The following SHROOM3 variants were observed in gnomAD, a reference collection of about 807,000 sequenced individuals.
SHROOM3 encodes protein Shroom3.
A neutral mutation model predicts 138.6 loss-of-function variants in SHROOM3; 47 were observed. That is an observed-to-expected ratio of 0.34 (90% CI 0.27 to 0.43). The LOEUF is 0.43. SHROOM3 is among the 20% of genes least tolerant of loss of function. The probability of loss-of-function intolerance (pLI) is 1.00; values close to 1 mark genes in which losing one functional copy is unlikely to be tolerated. For missense variants in SHROOM3, 2,491 were observed against 2,596.5 expected (o/e 0.96, Z 0.88); for synonymous variants, 1,062 against 1,063.3 (o/e 1.00, Z 0.02).
At chr4:76,716,466 C>A in intron 3 of SHROOM3, 1 of 517,124 alleles carries the variant, frequency 1.9e-6, no homozygotes, top group Non-Finnish European at 3.9e-6. Context: ...CAGGATCCTC[C>A]AATGACAAGC....
chr4:76,557,467 G>A (rs1413142045), intron 2 of SHROOM3, among the ~76,000 whole-genome samples: 1 of 152,114 alleles, frequency 6.6e-6, no homozygotes, highest in African/African-American at 2.4e-5. Flanking sequence ...TGGGGCACAG[G>A]GGAAATGGGG....
At chr4:76,611,177 T>C (rs891949068) in intron 2 of SHROOM3, among the ~76,000 whole-genome samples, 2 of 152,174 alleles carry the variant, frequency 1.3e-5, no homozygotes, top group Admixed American at 6.5e-5. Flanking sequence ...TTAAGTGAGT[T>C]GAAGATGATT....
At chr4:76,584,616 C>T (rs556829502) in intron 2 of SHROOM3, among the ~76,000 whole-genome samples, 10 of 152,184 alleles carry the variant, frequency 6.6e-5, no homozygotes, top group Admixed American at 1.3e-4. Context: ...GATAAACAAA[C>T]GTCAAACATG....
At chr4:76,586,584 A>G (rs1029650071) in intron 2 of SHROOM3, 12 of 647,836 alleles carry the variant, frequency 1.9e-5, no homozygotes, top group Non-Finnish European at 2.3e-5. Flanking sequence ...TGTTCAAGTT[A>G]GGCCTTTGTG....
chr4:76,653,336 T>C (rs771421334), intron 2 of SHROOM3, among the ~76,000 whole-genome samples: 10 of 152,048 alleles, frequency 6.6e-5, no homozygotes, highest in Middle Eastern at 3.4e-3. Flanking sequence ...TGAAGGATGC[T>C]TAGTAGCATC....
intron 1 of SHROOM3, among the ~76,000 whole-genome samples, chr4:76,520,691 A>G (rs1262309003): frequency 6.6e-6 from 1 of 152,246 alleles, no homozygotes; most frequent in Non-Finnish European, 1.5e-5. Context: ...AATAATGTCC[A>G]GAAGTGGATA....
chr4:76,754,865 A>C lies in SHROOM3; in HGVS notation c.4382A>C (p.Gln1461Pro). 6.2e-7 allele frequency: 1 copy of C among 1,614,168 alleles called. No individual in the cohort carries two copies. Among genetic ancestry groups the C allele is most frequent in the African/African-American group, 1.3e-5 (1 of 75,024 alleles). ...FANLKHYQKQ[Q>P]SLPSLCSTSD... Reference sequence around the variant, plus strand: ...AACCTGAAGCACTATCAAAAACAGCAGAGTCTTCCAAGTTTATGCAGCACT... The same window carrying C: ...AACCTGAAGCACTATCAAAAACAGCCGAGTCTTCCAAGTTTATGCAGCACT... Residue 1461 changes from glutamine to proline, a missense_variant, in exon 7 of 11, where the codon CAG becomes CCG. Gln to Pro is a moderately conservative substitution (Grantham distance 76). Around this residue, in one of 4 missense-constraint regions of SHROOM3, gnomAD observed 1,733 missense variants for 1,661.6 expected, o/e 1.04. Transcript: ENST00000296043.
At position 76,675,053 on chromosome 4, in the gene SHROOM3, TAGAC is replaced by T. The variant is rs1456669699; in HGVS notation, c.324-35100_324-35097del. ...AAACGAGGGATATAAATAATGGGCT[TAGAC>T]AGTTTCCTCTGGGTATGCTTTTAGG... is the stretch of plus-strand genomic sequence containing the variant. On this transcript the variant is annotated intron_variant, in intron 2 of 10. Transcript: ENST00000296043. 7.2e-5 allele frequency among the ~76,000 whole-genome samples: 11 copies of T among 152,308 alleles called. No individual in the cohort carries two copies. In the South Asian group the frequency reaches 1.0e-3, roughly 14 times the overall value.
At position 76,741,025 on chromosome 4, in the gene SHROOM3, C is replaced by A; in HGVS notation, c.2852C>A (p.Pro951His). The change falls in exon 5 of 11, where the codon CCC becomes CAC. Residue 951 changes from proline (P) to histidine (H), a missense_variant. Pro to His is a moderately conservative substitution (Grantham distance 77). Coordinates refer to ENST00000296043, the MANE Select transcript of SHROOM3 (RefSeq NM_020859.4). This position sits in a 1 kb window ranked among gnomAD's most constrained non-coding sequence, Gnocchi z 6.2. The stretch of plus-strand genomic sequence containing the variant: ...CGTCGAGACCTGGAGCTGGGGGCGC[C>A]CGTGGCGTCGAGGTCCTGGCGGCCA... Reference protein sequence around the residue: ...FRRRDLELGAPVASRSWRPRP... With the variant: ...FRRRDLELGAHVASRSWRPRP... The A allele has an allele frequency of 1.3e-6, 2 of 1,485,142 alleles. No individual in the cohort carries two copies. The highest frequency in any genetic ancestry group is 8.9e-7 in the Non-Finnish European group (1 of 1,121,758). The allele number at this position is 1,485,142 out of a possible 1,614,324, so 92.0% of individuals were successfully genotyped here. A position where few individuals can be genotyped will look rare whatever the true frequency, so the allele number is the denominator to read the frequency against.
intron 1 of SHROOM3, among the ~76,000 whole-genome samples, chr4:76,483,061 A>C (rs187102455): frequency 6.4e-4 from 97 of 152,326 alleles, no homozygotes; most frequent in African/African-American, 2.2e-3. Flanking sequence ...AAGAAAACCT[A>C]GGCAATACCA....
Position 76,740,490 on chromosome 4 carries a change from C to A in SHROOM3, c.2317C>A (p.Gln773Lys), listed in dbSNP as rs750717295. 6.2e-7 allele frequency: 1 copy of A among 1,612,848 alleles called. No individual in the cohort carries two copies. Among genetic ancestry groups the A allele is most frequent in the Non-Finnish European group, 8.5e-7 (1 of 1,179,334 alleles). ...CAGCGCCTCGGCTCTTCAGGGCTTT[C>A]AGTACGGGAAGCCCCACTGCTCGGT... ...PGSASALQGF[Q>K]YGKPHCSVLE... The change falls in exon 5 of 11, where the codon CAG becomes AAG. Residue 773 changes from glutamine (Q) to lysine (K), a missense_variant. Gln to Lys is a moderately conservative substitution (Grantham distance 53). Transcript: ENST00000296043. The surrounding 1 kb of genome is among the most constrained non-coding windows in gnomAD (Gnocchi z 4.0).
intron 1 of SHROOM3, among the ~76,000 whole-genome samples, chr4:76,529,308 T>C (rs980327468): frequency 3.3e-5 from 5 of 151,926 alleles, no homozygotes; most frequent in African/African-American, 1.2e-4. Context: ...TGAGAATATC[T>C]TTTTGTAGGA....
chr4:76,564,988 C>G (rs113049596), intron 2 of SHROOM3, among the ~76,000 whole-genome samples: 2,374 of 151,804 alleles, frequency 0.016, 64 homozygotes, highest in African/African-American at 0.054. Flanking sequence ...AGTGAAACCC[C>G]ATCTCTACTA....
intron 2 of SHROOM3, among the ~76,000 whole-genome samples, chr4:76,589,258 G>A (rs13133666): frequency 0.39 from 59,235 of 152,010 alleles, 11,969 homozygotes; most frequent in East Asian, 0.54. Context: ...ACCTGAGGTC[G>A]GGAGTTTGAG....
At chr4:76,747,421 T>C (rs1403980096) in intron 5 of SHROOM3, among the ~76,000 whole-genome samples, 1 of 152,226 alleles carries the variant, frequency 6.6e-6, no homozygotes, top group East Asian at 1.9e-4. Context: ...GTATTTTGAT[T>C]GATAGAAGAT....
intron 1 of SHROOM3, among the ~76,000 whole-genome samples, chr4:76,497,853 G>A (rs754958583): frequency 2.6e-5 from 4 of 152,028 alleles, no homozygotes; most frequent in Admixed American, 6.6e-5. Flanking sequence ...GCAAGACTCC[G>A]TCTCAAAAAT....
At chr4:76,531,849 T>C (rs1732834187) in intron 1 of SHROOM3, among the ~76,000 whole-genome samples, 1 of 151,524 alleles carries the variant, frequency 6.6e-6, no homozygotes, top group Non-Finnish European at 1.5e-5. Flanking sequence ...CAGGCCATCC[T>C]AGATTTAATA....
At chr4:76,510,782 G>A (rs1732318669) in intron 1 of SHROOM3, among the ~76,000 whole-genome samples, 1 of 152,114 alleles carries the variant, frequency 6.6e-6, no homozygotes, top group Non-Finnish European at 1.5e-5. Flanking sequence ...GTGGCACAGG[G>A]GAAAGAACAA....
chr4:76,739,436 C>T lies in SHROOM3; in HGVS notation c.1263C>T (p.Gly421=), dbSNP rs141874410. The change falls in exon 5 of 11, where the codon GGC becomes GGT. Residue 421 remains glycine (G), a synonymous_variant. Transcript: ENST00000296043. ...RLCRPQANSL[G]SLKSPFIEEQ... The stretch of plus-strand genomic sequence containing the variant: ...GCCGGCCTCAGGCAAACTCTTTAGG[C>T]TCCCTGAAGTCTCCATTCATAGAGG... 2.0e-4 allele frequency: 329 copies of T among 1,614,196 alleles called. 1 individual carries two copies. The African/African-American group carries it at 3.9e-3, about 19-fold the overall frequency.
Sources: allele counts gnomAD v4.1 joint callset (sites outside exome capture counted in the v4.1 genomes callset), GRCh38; gene constraint gnomAD v4.1.1; regional missense constraint gnomAD v4.1.1; non-coding constraint Gnocchi (gnomAD v3.1); transcripts MANE v1.5; gene names NCBI Gene and HGNC (gene_info 2026-07-23, HGNC 2026-07-21).